Variants in FOLH1 observed in about 807,000 individuals in gnomAD.
FOLH1 encodes glutamate carboxypeptidase 2.
A neutral mutation model predicts 93.9 loss-of-function variants in FOLH1; 54 were observed. That is an observed-to-expected ratio of 0.57 (90% CI 0.46 to 0.72). The LOEUF (loss-of-function observed/expected upper bound fraction) is 0.72. Ranked by LOEUF, FOLH1 falls within the 30% of genes least tolerant of loss-of-function variation. FOLH1 has a pLI of 0.00. For synonymous variants in FOLH1, 249 were observed against 303.6 expected (o/e 0.82, Z 1.87); for missense variants, 571 against 892.5 (o/e 0.64, Z 4.59).
intron 4 of FOLH1, among the ~76,000 whole-genome samples, chr11:49,189,160 G>A (rs1861739591): frequency 6.6e-6 from 1 of 152,076 alleles, no homozygotes; most frequent in African/African-American, 2.4e-5. Flanking sequence ...CCTCACGACA[G>A]GCTAGCTTTC....
intron 7 of FOLH1, among the ~76,000 whole-genome samples, chr11:49,179,104 T>C (rs1860428104): frequency 6.6e-6 from 1 of 152,178 alleles, no homozygotes; most frequent in Non-Finnish European, 1.5e-5. Context: ...AGGAATTACT[T>C]TCTAAAGAAG....
intron 1 of FOLH1, chr11:49,206,867 C>T: frequency 7.3e-7 from 1 of 1,362,214 alleles, no homozygotes; most frequent in South Asian, 1.3e-5. Context: ...TTGCAGTTGG[C>T]TTTTAACCTG....
At chr11:49,183,975 T>G (rs574970144) in intron 6 of FOLH1, among the ~76,000 whole-genome samples, 1 of 152,276 alleles carries the variant, frequency 6.6e-6, no homozygotes, top group African/African-American at 2.4e-5. Context: ...TGAACTGAAC[T>G]CTTGAGATCT....
intron 4 of FOLH1, among the ~76,000 whole-genome samples, chr11:49,188,512 C>CA (rs149444698): frequency 0.65 from 85,240 of 130,810 alleles, 27,948 homozygotes; most frequent in South Asian, 0.79. Flanking sequence ...GACTTGGTCT[C>CA]AAAAAAAAAA....
intron 7 of FOLH1, among the ~76,000 whole-genome samples, chr11:49,182,250 A>T (rs558812173): frequency 7.7e-5 from 11 of 141,956 alleles, no homozygotes; most frequent in African/African-American, 2.9e-4. Flanking sequence ...AATCACTTGA[A>T]CCCAGGAGGC....
chr11:49,162,043 A>G (rs1857764073), intron 13 of FOLH1, among the ~76,000 whole-genome samples: 1 of 152,088 alleles, frequency 6.6e-6, no homozygotes, highest in Non-Finnish European at 1.5e-5. Flanking sequence ...CTTTCCCTCT[A>G]GCTGCCTTTA....
intron 1 of FOLH1, 38 bp downstream of exon 1, chr11:49,208,254 G>T (rs1211004099): frequency 7.1e-7 from 1 of 1,402,036 alleles, no homozygotes; most frequent in African/African-American, 1.4e-5. Flanking sequence ...GCACCACGGG[G>T]AAGACTCCGA....
chr11:49,164,911 C>A, intron 12 of FOLH1, 139 bp from the exon 13 acceptor site: 2 of 696,092 alleles, frequency 2.9e-6, no homozygotes, highest in Non-Finnish European at 4.9e-6. Flanking sequence ...GGCTTCCCAA[C>A]TAACTCTGTA....
rs558401426 is a variant in FOLH1, at chr11:49,203,699, G to A, written c.224+2368C>T. Among the ~76,000 whole-genome samples, 4 of 152,300 alleles carry A rather than the reference G, an allele frequency of 2.6e-5. No homozygotes were observed. In the East Asian group the frequency reaches 7.7e-4, roughly 29 times the overall value. On this transcript the variant is annotated intron_variant, in intron 2 of 18. Coordinates refer to ENST00000256999, the MANE Select transcript of FOLH1 (RefSeq NM_004476.3). ...AGACATGGAGAATAAACAAGAAGCT[G>A]ACTGCTTAATCTTGCTGAGGGTCCA...
intron 18 of FOLH1, among the ~76,000 whole-genome samples, chr11:49,148,063 T>A (rs1855988256): frequency 6.6e-6 from 1 of 152,070 alleles, no homozygotes; most frequent in African/African-American, 2.4e-5. Flanking sequence ...GTTAGGGCCA[T>A]TTCTGGCTGT....
intron 13 of FOLH1, among the ~76,000 whole-genome samples, chr11:49,162,262 A>T (rs1244268912): frequency 6.6e-6 from 1 of 151,398 alleles, no homozygotes; most frequent in Non-Finnish European, 1.5e-5. Context: ...CAAGTACACC[A>T]ATCAGTCATA....
At chr11:49,196,078 C>T (rs760578017) in intron 3 of FOLH1, among the ~76,000 whole-genome samples, 17 of 152,092 alleles carry the variant, frequency 1.1e-4, no homozygotes, top group African/African-American at 1.7e-4. Context: ...TGCTTGAACC[C>T]GGGAGGCGGA....
At chr11:49,156,667 T>C in intron 15 of FOLH1, 50 bp downstream of exon 15, 1 of 1,609,622 alleles carries the variant, frequency 6.2e-7, no homozygotes. Flanking sequence ...ATTATTTGTT[T>C]AGTTAAAACA....
At chr11:49,197,714 T>C (rs1009498094) in intron 3 of FOLH1, among the ~76,000 whole-genome samples, 3 of 152,172 alleles carry the variant, frequency 2.0e-5, no homozygotes, top group African/African-American at 7.2e-5. Flanking sequence ...TACTGGGAGA[T>C]GGGAGGTAGT....
intron 6 of FOLH1, 121 bp from the exon 7 acceptor site, chr11:49,183,363 T>A (rs1266970428): frequency 4.1e-6 from 3 of 739,632 alleles, no homozygotes; most frequent in African/African-American, 1.8e-5. Context: ...TAAAACAGAT[T>A]AACAATTCAA....
chr11:49,198,186 A>T (rs1478433507), intron 3 of FOLH1, among the ~76,000 whole-genome samples: 3 of 152,062 alleles, frequency 2.0e-5, no homozygotes, highest in Non-Finnish European at 4.4e-5. Flanking sequence ...AAAAAGAAGA[A>T]AAAAACGACA....
chr11:49,191,001 G>T (rs1327917143), intron 4 of FOLH1, among the ~76,000 whole-genome samples: 1 of 152,220 alleles, frequency 6.6e-6, no homozygotes, highest in Non-Finnish European at 1.5e-5. Flanking sequence ...GTATTGAGCA[G>T]TGAAAAGATT....
At chr11:49,154,666 CA>C (rs1253465347) in intron 15 of FOLH1, among the ~76,000 whole-genome samples, 174 bp from the exon 16 acceptor site, 1 of 151,878 alleles carries the variant, frequency 6.6e-6, no homozygotes, top group Non-Finnish European at 1.5e-5. Flanking sequence ...AAACACATTC[CA>C]GGCTTGTATC....
intron 12 of FOLH1, among the ~76,000 whole-genome samples, chr11:49,167,944 G>T (rs1271598845): frequency 1.1e-4 from 16 of 151,120 alleles, no homozygotes; most frequent in African/African-American, 3.9e-4. Flanking sequence ...AAATGCCAAC[G>T]TGACTCCATC....
Sources: gnomAD v4.1 joint callset for allele counts (sites outside exome capture counted in the v4.1 genomes callset) on GRCh38, gnomAD v4.1.1 for gene constraint, MANE v1.5 for transcripts, NCBI Gene and HGNC (gene_info 2026-07-23, HGNC 2026-07-21) for gene names.